Variants in PCDHGA1 observed in about 807,000 individuals in gnomAD.
PCDHGA1 encodes protocadherin gamma subfamily A, 1.
PCDHGA1 carries 32 observed loss-of-function variants against 58.0 expected under a neutral mutation model. That is an observed-to-expected ratio of 0.55 (90% confidence interval 0.42 to 0.74). The LOEUF is 0.74. Ranked by LOEUF, PCDHGA1 falls within the 30% of genes least tolerant of loss-of-function variation. The probability of loss-of-function intolerance (pLI) is 0.00; values close to 1 mark genes in which losing one functional copy is unlikely to be tolerated. For synonymous variants in PCDHGA1, 498 were observed against 501.1 expected (o/e 0.99, Z 0.08); for missense variants, 1,205 against 1,182.3 (o/e 1.02, Z -0.28).
chr5:141,442,561 G>C (rs2098332268), intron 1 of PCDHGA1: 1 of 152,198 alleles, frequency 6.6e-6, no homozygotes, highest in African/African-American at 2.4e-5. Context: ...ACTAAGTTCA[G>C]TCACAAGCAG....
At chr5:141,462,302 A>C (rs2099036796) in intron 1 of PCDHGA1, among the ~76,000 whole-genome samples, 1 of 152,222 alleles carries the variant, frequency 6.6e-6, no homozygotes, top group African/African-American at 2.4e-5. Context: ...GTATTACCCA[A>C]ATATATTTGT....
At chr5:141,463,518 G>C (rs537466389) in intron 1 of PCDHGA1, among the ~76,000 whole-genome samples, 1 of 139,068 alleles carries the variant, frequency 7.2e-6, no homozygotes, top group African/African-American at 2.8e-5. Context: ...GCGTGATCTC[G>C]GCTTACTAGA....
chr5:141,371,072 C>T (rs1456354595), intron 1 of PCDHGA1: 3 of 1,613,886 alleles, frequency 1.9e-6, no homozygotes, highest in South Asian at 1.1e-5. Context: ...GCTGTACCAC[C>T]CAGATCAGGG....
Position 141,346,367 on chromosome 5 carries a change from G to A in PCDHGA1, c.2421+13262G>A, listed in dbSNP as rs757139743. ...TCCCCCAGCCCAACTATGCGGACAC[G>A]CTCATCAGCCAGGAGAGCTGTGAGA... is the stretch of plus-strand genomic sequence containing the variant. On this transcript the variant is annotated intron_variant, in intron 1 of 3. Coordinates refer to ENST00000517417, the MANE Select transcript of PCDHGA1 (RefSeq NM_018912.3). 119 of 1,614,092 alleles carry A rather than the reference G, an allele frequency of 7.4e-5. 1 individual carries two copies. Among genetic ancestry groups the A allele is most frequent in the Admixed American group, 1.8e-4 (11 of 60,006 alleles).
intron 2 of PCDHGA1, among the ~76,000 whole-genome samples, chr5:141,499,133 T>C (rs1443866975): frequency 6.6e-6 from 1 of 152,184 alleles, no homozygotes; most frequent in East Asian, 1.9e-4. Context: ...GGTCATCCTT[T>C]GGGTGTCTGA....
chr5:141,352,557 T>G (rs759005567), intron 1 of PCDHGA1: 1 of 1,613,974 alleles, frequency 6.2e-7, no homozygotes, highest in South Asian at 1.1e-5. Flanking sequence ...TCTCTCAACC[T>G]GACACCGGAA....
At chr5:141,374,884 C>A in intron 1 of PCDHGA1, 3 of 1,613,714 alleles carry the variant, frequency 1.9e-6, no homozygotes, top group Non-Finnish European at 1.7e-6. Context: ...TGACTGCCAC[C>A]GACCAGGATG....
chr5:141,419,765 G>A, intron 1 of PCDHGA1: 1 of 1,614,016 alleles, frequency 6.2e-7, no homozygotes, highest in Non-Finnish European at 8.5e-7. Context: ...GGGTGACAAG[G>A]ACTCGGTCCG....
chr5:141,371,370 C>T, intron 1 of PCDHGA1: 1 of 1,613,934 alleles, frequency 6.2e-7, no homozygotes, highest in Non-Finnish European at 8.5e-7. Flanking sequence ...GGATGGTGGA[C>T]ATCACACTGC....
rs1387677265 is a variant in PCDHGA1 at position 141,486,434 on chromosome 5, T to C, written c.2422-8373T>C. 3 of 1,614,150 alleles carry C rather than the reference T, an allele frequency of 1.9e-6. No homozygotes were observed. The highest frequency in any genetic ancestry group is 2.5e-6 in the Non-Finnish European group (3 of 1,179,986). The stretch of plus-strand genomic sequence containing the variant: ...CTTGGATCGAGAGGCCAAATCTAGC[T>C]ATGACATCATGGTCACTGCTTCTGA... On this transcript the variant is annotated intron_variant, in intron 1 of 3. Coordinates refer to ENST00000517417, the MANE Select transcript of PCDHGA1 (RefSeq NM_018912.3). This position sits in a 1 kb window ranked among gnomAD's most constrained non-coding sequence, Gnocchi z 5.0.
At chr5:141,370,775 C>A in intron 1 of PCDHGA1, 5 of 1,613,966 alleles carry the variant, frequency 3.1e-6, no homozygotes, top group Non-Finnish European at 4.2e-6. Context: ...AGGATATTAA[C>A]GACAACCCAC....
At chr5:141,354,444 T>C (rs1759543565) in intron 1 of PCDHGA1, among the ~76,000 whole-genome samples, 1 of 152,238 alleles carries the variant, frequency 6.6e-6, no homozygotes, top group Non-Finnish European at 1.5e-5. Context: ...AAACCTATTA[T>C]CCTATTTGTC....
At chr5:141,394,168 T>G in intron 1 of PCDHGA1, 1 of 1,613,752 alleles carries the variant, frequency 6.2e-7, no homozygotes, top group Non-Finnish European at 8.5e-7. Flanking sequence ...CCTCCTACTT[T>G]CCCTCATGCC....
At chr5:141,355,329 A>G in intron 1 of PCDHGA1, 1 of 1,614,020 alleles carries the variant, frequency 6.2e-7, no homozygotes, top group Non-Finnish European at 8.5e-7. Flanking sequence ...AAGAAGGCTC[A>G]GTGGTGGGCA....
Position 141,346,317 on chromosome 5 carries a change from G to A in PCDHGA1, c.2421+13212G>A. The A allele has an allele frequency of 6.2e-7, 1 of 1,614,208 alleles. No homozygotes were observed. Among genetic ancestry groups the A allele is most frequent in the Admixed American group, 1.7e-5 (1 of 60,026 alleles). Reference sequence around the variant, plus strand: ...TTCCCACGAGGTCTCCCTCACTGCGGACTCGCGGAAGAGCCACCTGATTTT... The same window carrying A: ...TTCCCACGAGGTCTCCCTCACTGCGAACTCGCGGAAGAGCCACCTGATTTT... On this transcript the variant is annotated intron_variant, in intron 1 of 3. Coordinates refer to ENST00000517417, the MANE Select transcript of PCDHGA1 (RefSeq NM_018912.3).
chr5:141,336,560 A>T (rs911686346), intron 1 of PCDHGA1, among the ~76,000 whole-genome samples: 9 of 152,216 alleles, frequency 5.9e-5, no homozygotes, highest in Non-Finnish European at 1.3e-4. Context: ...TTAAAGTGTC[A>T]CCAGAAATGG....
intron 1 of PCDHGA1, chr5:141,374,228 G>T (rs776875063): frequency 6.2e-7 from 1 of 1,613,990 alleles, no homozygotes; most frequent in Non-Finnish European, 8.5e-7. Flanking sequence ...AGGCAACATC[G>T]TCAAGGATCT....
chr5:141,420,519 A>G (rs1056198647), intron 1 of PCDHGA1: 1 of 387,066 alleles, frequency 2.6e-6, no homozygotes, highest in African/African-American at 2.1e-5. Flanking sequence ...GAAGTAAAAT[A>G]CCTTTCGGTT....
intron 1 of PCDHGA1, among the ~76,000 whole-genome samples, chr5:141,336,630 C>A (rs958302341): frequency 6.6e-6 from 1 of 152,160 alleles, no homozygotes; most frequent in Non-Finnish European, 1.5e-5. Flanking sequence ...AAGCAATATT[C>A]AGAAGCAATA....
Sources: gnomAD v4.1 joint callset for allele counts (sites outside exome capture counted in the v4.1 genomes callset) on GRCh38, gnomAD v4.1.1 for gene constraint, Gnocchi (gnomAD v3.1) non-coding constraint, MANE v1.5 for transcripts, NCBI Gene and HGNC (gene_info 2026-07-23, HGNC 2026-07-21) for gene names.